The following C12orf57 variants were observed in gnomAD, a reference collection of about 807,000 sequenced individuals.
C12orf57 encodes chromosome 12 open reading frame 57.
C12orf57 carries 14 observed loss-of-function variants against 11.3 expected under a neutral mutation model. The observed-to-expected ratio is 1.24, with a 90% CI of 0.82 to 1.94. C12orf57 has a LOEUF of 1.94. Ranked by LOEUF, C12orf57 falls within the 30% of genes most tolerant of loss-of-function variation. The probability of loss-of-function intolerance (pLI) is 0.00; values close to 1 mark genes in which losing one functional copy is unlikely to be tolerated. For missense variants in C12orf57, 229 were observed against 172.4 expected, an observed-to-expected ratio of 1.33 and a Z score of -1.84; for synonymous variants, 100 against 74.6, an observed-to-expected ratio of 1.34 and a Z score of -1.76.
chr12:6,944,004 CT>C, upstream of C12orf57: 1 of 1,595,090 alleles, frequency 6.3e-7, no homozygotes, highest in East Asian at 2.2e-5. Flanking sequence ...GCGCTTCCGG[CT>C]GCGCCGGATG....
intron 2 of C12orf57, 186 bp downstream of exon 2, chr12:6,944,838 G>A (rs1945759330): frequency 6.9e-7 from 1 of 1,444,870 alleles, no homozygotes; most frequent in Non-Finnish European, 9.1e-7. Flanking sequence ...TCCGAGTTGC[G>A]TTTTGTACAG....
In C12orf57 at chr12:6,945,873, C is replaced by A. The variant is rs782679418; in HGVS notation, c.332C>A (p.Thr111Asn). The change falls in exon 3 of 3, where the codon ACC becomes AAC. Residue 111 changes from threonine to asparagine, a missense_variant. Thr to Asn is a moderately conservative substitution (Grantham distance 65). Transcript: ENST00000229281. Reference sequence around the variant, plus strand: ...AAGGCGCTGTTTCTGCCGCCCATGACCCTGCCACCCCATGGGCCTGCTGCT... The same window carrying A: ...AAGGCGCTGTTTCTGCCGCCCATGAACCTGCCACCCCATGGGCCTGCTGCT... ...KLKALFLPPM[T>N]LPPHGPAAGG... 17 of 1,613,526 alleles carry A rather than the reference C, an allele frequency of 1.1e-5. No individual in the cohort carries two copies. The highest frequency in any genetic ancestry group is 1.4e-5 in the Non-Finnish European group (17 of 1,179,912).
chr12:6,943,766 CAA>C, upstream of C12orf57: 1 of 1,081,352 alleles, frequency 9.2e-7, no homozygotes, highest in Non-Finnish European at 1.2e-6. Flanking sequence ...TCACCCTCAT[CAA>C]TTGTGGAGTT....
At chr12:6,943,469 G>A (rs1945679024), upstream of C12orf57, 1 of 1,244,786 alleles carries the variant, frequency 8.0e-7, no homozygotes, top group Non-Finnish European at 1.0e-6. Flanking sequence ...AGGCTCCATC[G>A]CTCATCAATA....
rs782624197 is a variant in C12orf57 at position 6,945,864 on chromosome 12, C to T, written c.323C>T (p.Pro108Leu). The T allele has an allele frequency of 6.8e-6, 11 of 1,613,516 alleles. No individual in the cohort carries two copies. In the Admixed American group the frequency reaches 1.2e-4, roughly 17 times the overall value. ...GGCAAGCTGAAGGCGCTGTTTCTGC[C>T]GCCCATGACCCTGCCACCCCATGGG... ...LSGKLKALFLPPMTLPPHGPA... is the reference protein window; with the variant it reads ...LSGKLKALFLLPMTLPPHGPA... The change falls in exon 3 of 3, where the codon CCG becomes CTG. Residue 108 changes from proline (P) to leucine (L), a missense_variant. Coordinates refer to ENST00000229281, the MANE Select transcript of C12orf57 (RefSeq NM_138425.4).
intron 2 of C12orf57, chr12:6,944,925 C>G (rs1945762249): frequency 7.7e-7 from 1 of 1,297,196 alleles, no homozygotes; most frequent in Non-Finnish European, 1.0e-6. Flanking sequence ...GGAATATTTA[C>G]ATATACATGG....
intron 1 of C12orf57, 24 bp downstream of exon 1, chr12:6,944,197 A>G (rs781786106): frequency 5.7e-6 from 9 of 1,565,788 alleles, no homozygotes; most frequent in African/African-American, 4.0e-5. Context: ...TAGTCAAGGC[A>G]TAGGCTGCTG....
chr12:6,944,205 C>G (rs1223015885), intron 1 of C12orf57, 32 bp downstream of exon 1: 2 of 1,565,748 alleles, frequency 1.3e-6, no homozygotes, highest in Non-Finnish European at 1.8e-6. Context: ...GCATAGGCTG[C>G]TGGCCTGGGG....
In C12orf57 at chr12:6,944,059, A is replaced by C; in HGVS notation, c.-63A>C. 2 of 1,613,048 alleles carry C rather than the reference A, an allele frequency of 1.2e-6. No homozygotes were observed. The highest frequency in any genetic ancestry group is 1.1e-5 in the South Asian group (1 of 91,064). The stretch of plus-strand genomic sequence containing the variant: ...CAGGGGCGTTGGGAACGGTTGTAGG[A>C]CGTGGCTCTTTATTCGTGAGTTTTC... On this transcript the variant is annotated 5_prime_UTR_variant, in exon 1 of 3. Transcript: ENST00000229281.
In C12orf57 at chr12:6,944,078, A is replaced by G. The variant is rs782262496; in HGVS notation, c.-44A>G. 81 of 1,613,616 alleles carry G rather than the reference A, an allele frequency of 5.0e-5. No homozygotes were observed. The highest frequency in any genetic ancestry group is 3.3e-4 in the Middle Eastern group (2 of 6,084). ...TGTAGGACGTGGCTCTTTATTCGTG[A>G]GTTTTCCATTTACCTCCGCTGAACC... On this transcript the variant is annotated 5_prime_UTR_variant, in exon 1 of 3. Coordinates refer to ENST00000229281, the MANE Select transcript of C12orf57 (RefSeq NM_138425.4).
intron 2 of C12orf57, 174 bp downstream of exon 2, chr12:6,944,826 C>A: frequency 6.9e-7 from 1 of 1,450,506 alleles, no homozygotes; most frequent in Non-Finnish European, 9.1e-7. Context: ...TGAGCTTGTG[C>A]GTCCGAGTTG....
At chr12:6,944,939 T>C (rs782697690) in intron 2 of C12orf57, 1 of 1,205,880 alleles carries the variant, frequency 8.3e-7, no homozygotes, top group Non-Finnish European at 1.1e-6. Context: ...TACATGGATA[T>C]CTTGGGGGAT....
chr12:6,944,722 C>T (rs782122535), intron 2 of C12orf57, 70 bp downstream of exon 2: 8 of 1,596,146 alleles, frequency 5.0e-6, no homozygotes, highest in South Asian at 1.1e-5. Context: ...GGCGCCGGAT[C>T]TGTGGGCCCA....
chr12:6,945,373 G>T (rs782236484), intron 2 of C12orf57, among the ~76,000 whole-genome samples: 1 of 152,290 alleles, frequency 6.6e-6, no homozygotes, highest in South Asian at 2.1e-4. Flanking sequence ...TTTGGGGGGG[G>T]TTGGTGGTTA....
At chr12:6,943,919 G>C (rs782697621), upstream of C12orf57, 61 of 1,273,238 alleles carry the variant, frequency 4.8e-5, no homozygotes, top group South Asian at 1.1e-4. Context: ...TTTTCACTGT[G>C]CAAAAATTAT....
chr12:6,944,427 TCTC>T, intron 1 of C12orf57, 46 bp from the exon 2 acceptor site: 1 of 1,590,426 alleles, frequency 6.3e-7, no homozygotes, highest in Non-Finnish European at 8.5e-7. Flanking sequence ...CGCTGTCTGT[TCTC>T]CGACGCCTAC....
At chr12:6,943,948 TGATGCA>T, upstream of C12orf57, 1 of 1,471,408 alleles carries the variant, frequency 6.8e-7, no homozygotes, top group Non-Finnish European at 9.1e-7. Context: ...TTGGTGGTCT[TGATGCA>T]GTTGTAAGCT....
upstream of C12orf57, chr12:6,943,869 G>C (rs782223539): frequency 1.2e-4 from 110 of 953,476 alleles, no homozygotes; most frequent in African/African-American, 1.8e-4. Flanking sequence ...CTTTTTACCG[G>C]AAAGCCCCTC....
At position 6,945,835 on chromosome 12, in the gene C12orf57, G is replaced by T; in HGVS notation, c.294G>T (p.Leu98=). ...CCCAGGATCCTGAGATCGCCAGCCT[G>T]TCAGGCAAGCTGAAGGCGCTGTTTC... ...YEAQDPEIAS[L]SGKLKALFLP... Residue 98 remains leucine (L), a synonymous_variant, in exon 3 of 3, where the codon CTG becomes CTT. Coordinates refer to ENST00000229281, the MANE Select transcript of C12orf57 (RefSeq NM_138425.4). 1 of 1,613,962 alleles carries T rather than the reference G, an allele frequency of 6.2e-7. No individual in the cohort carries two copies. Among genetic ancestry groups the T allele is most frequent in the South Asian group, 1.1e-5 (1 of 91,010 alleles).
Sources: gnomAD v4.1 joint callset for allele counts (sites outside exome capture counted in the v4.1 genomes callset) on GRCh38, gnomAD v4.1.1 for gene constraint, MANE v1.5 for transcripts, NCBI Gene and HGNC (gene_info 2026-07-23, HGNC 2026-07-21) for gene names.